Variants in MAP4K3 observed in about 807,000 individuals in gnomAD.
MAP4K3 encodes MAPK/ERK kinase kinase kinase 3.
MAP4K3 carries 94 observed loss-of-function variants against 143.5 expected under a neutral mutation model. That is an observed-to-expected ratio of 0.65 (90% CI 0.55 to 0.78). The LOEUF is 0.78. MAP4K3 is among the 30% of genes least tolerant of loss of function. The pLI, the probability that MAP4K3 is intolerant of heterozygous loss-of-function variation, is 0.00. For synonymous variants in MAP4K3, 416 were observed against 347.2 expected (o/e 1.20, Z -2.20); for missense variants, 1,077 against 1,068.1 (o/e 1.01, Z -0.12).
At chr2:39,383,889 G>A (rs922562119) in intron 1 of MAP4K3, among the ~76,000 whole-genome samples, 5 of 152,084 alleles carry the variant, frequency 3.3e-5, no homozygotes, top group African/African-American at 1.2e-4. Context: ...CAGATCGCTT[G>A]AGCCCAGGAG....
rs1389888924 is a variant in MAP4K3 at position 39,268,632 on chromosome 2, C to CTTTTTTT, written c.1974-1386_1974-1385insAAAAAAA. 9.0e-4 allele frequency among the ~76,000 whole-genome samples: 41 copies of CTTTTTTT among 45,714 alleles called. 1 individual carries two copies. Among genetic ancestry groups the CTTTTTTT allele is most frequent in the East Asian group, 4.3e-3 (7 of 1,634 alleles). 30.0% of individuals were successfully genotyped at this position (45,714 alleles called of 152,430 possible). Reference sequence around the variant, plus strand: ...CACTGTGCCCGGCTAAAGATTTTTTCTATTTTTTTTTTTTTTTTTTTTTTT... The same window carrying CTTTTTTT: ...CACTGTGCCCGGCTAAAGATTTTTTCTTTTTTTTATTTTTTTTTTTTTTTTTTTTTTT... On this transcript the variant is annotated intron_variant, in intron 26 of 33. Coordinates refer to ENST00000263881, the MANE Select transcript of MAP4K3 (RefSeq NM_003618.4).
chr2:39,369,819 C>T lies in MAP4K3; in HGVS notation c.154+8247G>A, dbSNP rs529155012. 7.2e-5 allele frequency among the ~76,000 whole-genome samples: 11 copies of T among 152,258 alleles called. No homozygotes were observed. The East Asian group carries it at 1.5e-3, about 21-fold the overall frequency. ...TAGATATTCCCAACCCAGAGTATTT[C>T]GGAGTAAATAGTCAAAGGCGGATCT... On this transcript the variant is annotated intron_variant, in intron 2 of 33. Transcript: ENST00000263881.
chr2:39,399,893 G>A (rs1055163865), intron 1 of MAP4K3, among the ~76,000 whole-genome samples: 10 of 152,116 alleles, frequency 6.6e-5, no homozygotes, highest in African/African-American at 2.2e-4. Flanking sequence ...ATATGGGGGA[G>A]GGTTTAATGT....
At chr2:39,432,094 A>G (rs749129737) in intron 1 of MAP4K3, among the ~76,000 whole-genome samples, 21 of 152,204 alleles carry the variant, frequency 1.4e-4, no homozygotes, top group Non-Finnish European at 8.8e-5. Flanking sequence ...GTAAATACCA[A>G]GTACCAAGCC....
chr2:39,299,962 A>G (rs1047399437), intron 15 of MAP4K3, 161 bp from the exon 16 acceptor site: 1 of 357,238 alleles, frequency 2.8e-6, no homozygotes, highest in East Asian at 4.4e-5. Context: ...ACGAGTTCAT[A>G]GTCCTGATTT....
chr2:39,345,202 C>T (rs1665251683), intron 3 of MAP4K3, among the ~76,000 whole-genome samples: 1 of 150,658 alleles, frequency 6.6e-6, no homozygotes, highest in Admixed American at 6.6e-5. Flanking sequence ...GTGAGACTCT[C>T]ATCTCTTAAA....
chr2:39,331,442 C>CA (rs1683678268), intron 8 of MAP4K3, among the ~76,000 whole-genome samples: 1 of 152,040 alleles, frequency 6.6e-6, no homozygotes, highest in African/African-American at 2.4e-5. Flanking sequence ...ATGAAGCAGA[C>CA]AGAGGCCAGA....
intron 1 of MAP4K3, among the ~76,000 whole-genome samples, chr2:39,417,276 G>A (rs1184926977): frequency 6.7e-6 from 1 of 149,978 alleles, no homozygotes; most frequent in East Asian, 2.0e-4. Context: ...CTGGAGGGCA[G>A]TGGCACAATC....
At chr2:39,319,453 G>A (rs1168301062) in intron 12 of MAP4K3, among the ~76,000 whole-genome samples, 2 of 152,146 alleles carry the variant, frequency 1.3e-5, no homozygotes, top group African/African-American at 4.8e-5. Flanking sequence ...TTTCATATAT[G>A]TGGGTTTTGC....
intron 24 of MAP4K3, among the ~76,000 whole-genome samples, chr2:39,275,632 C>T (rs1258117400): frequency 6.6e-6 from 1 of 152,086 alleles, no homozygotes; most frequent in African/African-American, 2.4e-5. Flanking sequence ...AATATGACCA[C>T]CTTTGAATTA....
intron 21 of MAP4K3, among the ~76,000 whole-genome samples, chr2:39,285,640 AAC>A (rs10536400): frequency 0.049 from 7,442 of 152,200 alleles, 301 homozygotes; most frequent in African/African-American, 0.11. Context: ...TAAAAAGTTA[AAC>A]AGATATAGCA....
chr2:39,358,636 GA>G (rs945590588), intron 2 of MAP4K3, among the ~76,000 whole-genome samples: 5 of 151,940 alleles, frequency 3.3e-5, no homozygotes, highest in African/African-American at 9.7e-5. Flanking sequence ...ATTTTTGTGG[GA>G]AAAAAATTCA....
chr2:39,259,333 G>A (rs1381856971), intron 29 of MAP4K3, among the ~76,000 whole-genome samples: 1 of 152,098 alleles, frequency 6.6e-6, no homozygotes, highest in Non-Finnish European at 1.5e-5. Flanking sequence ...CGGGGGTGGG[G>A]CTCAGAAATG....
At chr2:39,320,505 A>AT (rs879351943) in intron 12 of MAP4K3, among the ~76,000 whole-genome samples, 183 of 145,388 alleles carry the variant, frequency 1.3e-3, no homozygotes, top group African/African-American at 2.0e-3. Flanking sequence ...GGTCAACACA[A>AT]TTTTTTTTTT....
intron 2 of MAP4K3, among the ~76,000 whole-genome samples, chr2:39,366,399 C>A (rs1390070283): frequency 6.6e-6 from 1 of 152,118 alleles, no homozygotes; most frequent in African/African-American, 2.4e-5. Flanking sequence ...GTTGCGGAGA[C>A]CAAGGTTTTA....
intron 6 of MAP4K3, among the ~76,000 whole-genome samples, chr2:39,336,270 C>T (rs552791126): frequency 4.0e-5 from 6 of 151,752 alleles, no homozygotes; most frequent in Admixed American, 3.3e-4. Flanking sequence ...GTCAGGAGAT[C>T]GAGACCAGCC....
At chr2:39,303,193 C>T (rs1476639419) in intron 15 of MAP4K3, 1 of 166,830 alleles carries the variant, frequency 6.0e-6, no homozygotes, top group Non-Finnish European at 1.5e-5. Context: ...AATATTTTCC[C>T]ATCAAAAATG....
chr2:39,308,540 A>G (rs1430375325), intron 14 of MAP4K3, among the ~76,000 whole-genome samples: 2 of 152,182 alleles, frequency 1.3e-5, no homozygotes, highest in South Asian at 2.1e-4. Context: ...ACTTATTAAC[A>G]GTTATTTTCT....
intron 21 of MAP4K3, among the ~76,000 whole-genome samples, chr2:39,283,117 G>C (rs909280345): frequency 2.6e-5 from 4 of 152,178 alleles, no homozygotes; most frequent in Non-Finnish European, 4.4e-5. Context: ...CAGTGTATGA[G>C]TGGATGCCTT....
Sources: allele counts gnomAD v4.1 joint callset (sites outside exome capture counted in the v4.1 genomes callset), GRCh38; gene constraint gnomAD v4.1.1; transcripts MANE v1.5; gene names NCBI Gene and HGNC (gene_info 2026-07-23, HGNC 2026-07-21).